UNC13C: variants seen among roughly 807,000 people sequenced by gnomAD.
The protein encoded by UNC13C is protein unc-13 homolog C.
UNC13C carries 174 observed loss-of-function variants against 245.4 expected under a neutral mutation model. The ratio of observed to expected loss-of-function variants is 0.71; its 90% CI spans 0.63 to 0.80. The LOEUF (loss-of-function observed/expected upper bound fraction) is 0.80, where lower values mean the gene tolerates loss of function less well. Among genes scored for constraint, UNC13C ranks in the 30% least tolerant of loss-of-function variants. The pLI, the probability that UNC13C is intolerant of heterozygous loss-of-function variation, is 0.00. For missense variants in UNC13C, 2,829 were observed against 2,602.9 expected, an observed-to-expected ratio of 1.09 and a Z score of -1.89; for synonymous variants, 992 against 895.1, an observed-to-expected ratio of 1.11 and a Z score of -1.93.
intron 8 of UNC13C, among the ~76,000 whole-genome samples, chr15:54,257,148 T>G (rs947407263): frequency 6.6e-6 from 1 of 152,268 alleles, no homozygotes; most frequent in African/African-American, 2.4e-5. Flanking sequence ...TGTATTTTTT[T>G]GAAAAGTATA....
intron 19 of UNC13C, among the ~76,000 whole-genome samples, chr15:54,442,855 G>C (rs1463713152): frequency 6.6e-6 from 1 of 152,080 alleles, no homozygotes; most frequent in African/African-American, 2.4e-5. Flanking sequence ...ATGTTCATCA[G>C]GGATATTGGC....
At chr15:53,988,020 G>A (rs1177406906) in intron 1 of UNC13C, among the ~76,000 whole-genome samples, 1 of 151,942 alleles carries the variant, frequency 6.6e-6, no homozygotes, top group African/African-American at 2.4e-5. Context: ...CTGTGCAGAG[G>A]CCTAAAGGTT....
intron 19 of UNC13C, among the ~76,000 whole-genome samples, chr15:54,466,314 A>C (rs1272217470): frequency 1.3e-5 from 2 of 152,002 alleles, no homozygotes; most frequent in Admixed American, 1.3e-4. Flanking sequence ...TTTCAAAATA[A>C]CTGCAAGAGA....
intron 4 of UNC13C, among the ~76,000 whole-genome samples, chr15:54,182,473 G>T (rs1181668741): frequency 3.3e-5 from 5 of 151,804 alleles, no homozygotes; most frequent in Non-Finnish European, 5.9e-5. Flanking sequence ...CTAGTTTCCT[G>T]TTTTGGTTGT....
chr15:54,449,599 T>C (rs1891051018), intron 19 of UNC13C, among the ~76,000 whole-genome samples: 2 of 152,318 alleles, frequency 1.3e-5, no homozygotes, highest in South Asian at 4.1e-4. Context: ...CATCACATAG[T>C]TCTCGAGCCA....
At chr15:54,224,526 G>C (rs562549569) in intron 4 of UNC13C, among the ~76,000 whole-genome samples, 5 of 152,092 alleles carry the variant, frequency 3.3e-5, no homozygotes, top group Admixed American at 1.3e-4. Context: ...TGTTGAATTC[G>C]GTTTGCTAGT....
At chr15:54,038,021 TAC>T (rs1262482766) in intron 2 of UNC13C, among the ~76,000 whole-genome samples, 2 of 147,986 alleles carry the variant, frequency 1.4e-5, no homozygotes, top group Non-Finnish European at 3.0e-5. Context: ...TTTAATTTAT[TAC>T]AGTTACCTTA....
At chr15:54,475,041 C>T (rs1892652843) in intron 19 of UNC13C, among the ~76,000 whole-genome samples, 1 of 151,928 alleles carries the variant, frequency 6.6e-6, no homozygotes, top group African/African-American at 2.4e-5. Context: ...TTAGGCCCTA[C>T]CTACAACATT....
the UNC13C span, among the ~76,000 whole-genome samples, chr15:53,944,323 G>A: frequency 1.1e-3 from 174 of 151,776 alleles, no homozygotes; most frequent in Non-Finnish European, 1.9e-3. Flanking sequence ...ATCATTTCAC[G>A]GGAGTTTGTT....
intron 16 of UNC13C, among the ~76,000 whole-genome samples, chr15:54,335,751 A>G (rs760314665): frequency 8.3e-4 from 126 of 152,214 alleles, no homozygotes; most frequent in Non-Finnish European, 1.4e-3. Context: ...CTATCGATTT[A>G]TCCATTCCCT....
chr15:54,201,392 G>C (rs1309203357), intron 4 of UNC13C, among the ~76,000 whole-genome samples: 1 of 151,956 alleles, frequency 6.6e-6, no homozygotes, highest in Non-Finnish European at 1.5e-5. Flanking sequence ...TACTCCTGAT[G>C]AATATAGATG....
chr15:53,956,548 T>A, the UNC13C span, among the ~76,000 whole-genome samples: 1 of 103,566 alleles, frequency 9.7e-6, no homozygotes, highest in African/African-American at 3.6e-5. Context: ...GGTAAAGAGG[T>A]TTAGGGTATA....
chr15:53,978,334 G>A (rs915679657), upstream of UNC13C, among the ~76,000 whole-genome samples: 6 of 152,100 alleles, frequency 3.9e-5, no homozygotes, highest in African/African-American at 1.4e-4. Context: ...TGTGAGCAGG[G>A]GCTGTAGCTC....
At chr15:54,449,530 T>G (rs1274789416) in intron 19 of UNC13C, among the ~76,000 whole-genome samples, 1 of 152,230 alleles carries the variant, frequency 6.6e-6, no homozygotes, top group Non-Finnish European at 1.5e-5. Context: ...TCATTTGATA[T>G]TCAATCACTG....
At chr15:54,612,533 ATACAGATATC>A (rs1566939255) in intron 30 of UNC13C, among the ~76,000 whole-genome samples, 1 of 152,048 alleles carries the variant, frequency 6.6e-6, no homozygotes, top group Non-Finnish European at 1.5e-5. Context: ...GATTTTCCAC[ATACAGATATC>A]AAATGATTCC....
intron 2 of UNC13C, among the ~76,000 whole-genome samples, chr15:54,108,025 A>G (rs1014501234): frequency 6.6e-6 from 1 of 152,210 alleles, no homozygotes; most frequent in African/African-American, 2.4e-5. Context: ...AGAAAAAAAC[A>G]TACTTTAGAG....
At chr15:54,481,078 A>C (rs920104520) in intron 19 of UNC13C, among the ~76,000 whole-genome samples, 1 of 152,182 alleles carries the variant, frequency 6.6e-6, no homozygotes, top group African/African-American at 2.4e-5. Context: ...CTGGCAGGGC[A>C]TAGTAGTGTG....
intron 2 of UNC13C, among the ~76,000 whole-genome samples, chr15:54,025,591 A>G (rs1896076125): frequency 6.6e-6 from 1 of 152,172 alleles, no homozygotes; most frequent in African/African-American, 2.4e-5. Context: ...CTGTGTGCTT[A>G]ATTAAGCATT....
At chr15:54,257,537 C>T (rs1196357903) in intron 8 of UNC13C, among the ~76,000 whole-genome samples, 3 of 152,122 alleles carry the variant, frequency 2.0e-5, no homozygotes, top group African/African-American at 7.2e-5. Context: ...TTTTTGTAGG[C>T]TCTTGGTGCC....
Sources: gnomAD v4.1 joint callset for allele counts (sites outside exome capture counted in the v4.1 genomes callset) on GRCh38, gnomAD v4.1.1 for gene constraint, MANE v1.5 for transcripts, NCBI Gene and HGNC (gene_info 2026-07-23, HGNC 2026-07-21) for gene names.